Variants in TMEM255B observed in about 807,000 individuals in gnomAD.
TMEM255B encodes transmembrane protein 255B, also known as family with sequence similarity 70, member B.
TMEM255B carries 35 observed loss-of-function variants against 34.5 expected under a neutral mutation model. The observed-to-expected ratio is 1.01, with a 90% CI of 0.77 to 1.34. The LOEUF is 1.34. TMEM255B is among the 40% of genes most tolerant of loss of function. The pLI is 0.00. For missense variants in TMEM255B, 432 were observed against 433.2 expected, an observed-to-expected ratio of 1.00 and a Z score of 0.02; for synonymous variants, 206 against 201.2, an observed-to-expected ratio of 1.02 and a Z score of -0.20.
chr13:113,804,922 C>A lies in TMEM255B; in HGVS notation c.707C>A (p.Pro236Gln), dbSNP rs751019771. Residue 236 changes from proline (P) to glutamine (Q), a missense_variant, in exon 8 of 9, where the codon CCA becomes CAA. By Grantham distance (76) the Pro-to-Gln change is moderately conservative. Transcript: ENST00000375353. ...LSQLAYGPAV[P>Q]PQTLYNPAQQ... ...CAGCTGGCCTATGGCCCAGCCGTCC[C>A]ACCACAGACCCTCTACAACCCCGCC... 6.2e-7 allele frequency: 1 copy of A among 1,604,252 alleles called. No individual in the cohort carries two copies. The highest frequency in any genetic ancestry group is 1.1e-5 in the South Asian group (1 of 90,866).
chr13:113,776,394 G>T (rs1037539831), intron 3 of TMEM255B, among the ~76,000 whole-genome samples: 1 of 152,202 alleles, frequency 6.6e-6, no homozygotes, highest in Non-Finnish European at 1.5e-5. Context: ...CTGACTCGGC[G>T]GCTCTGGTTT....
chr13:113,801,174 T>C (rs2051052750), intron 6 of TMEM255B, among the ~76,000 whole-genome samples: 1 of 152,218 alleles, frequency 6.6e-6, no homozygotes, highest in African/African-American at 2.4e-5. Context: ...GAAAGGACAT[T>C]GAGTCCATTT....
Position 113,811,766 on chromosome 13 carries a change from T to A in TMEM255B, c.844T>A (p.Ser282Thr). 7 of 1,613,882 alleles carry A rather than the reference T, an allele frequency of 4.3e-6. No individual in the cohort carries two copies. Among genetic ancestry groups the A allele is most frequent in the Non-Finnish European group, 5.1e-6 (6 of 1,179,882 alleles). The change falls in exon 9 of 9, where the codon TCT (serine) becomes ACT (threonine). Residue 282 changes from serine to threonine, a missense_variant. Transcript: ENST00000375353. ...CAGCCGCTTCCCAGTTGCGCCCTCC[T>A]CTGCCCTGGCTTCGTCTGAGGACCT... ...PCSRFPVAPS[S>T]ALASSEDLQP... is the part of the protein sequence containing the mutation.
chr13:113,783,594 G>A (rs906994603), intron 3 of TMEM255B, among the ~76,000 whole-genome samples: 7 of 152,162 alleles, frequency 4.6e-5, no homozygotes, highest in African/African-American at 1.2e-4. Flanking sequence ...AAAATCAGAC[G>A]TGGAGAAAGG....
Position 113,759,322 on chromosome 13 carries a change from G to A in TMEM255B, c.46+7G>A. The A allele has an allele frequency of 8.1e-7, 1 of 1,229,468 alleles. No homozygotes were observed. The highest frequency in any genetic ancestry group is 1.0e-6 in the Non-Finnish European group (1 of 986,442). 76.2% of individuals were successfully genotyped at this position (1,229,468 alleles called of 1,614,324 possible). A position where few individuals can be genotyped will look rare whatever the true frequency, so the allele number is the denominator to read the frequency against. Reference sequence around the variant, plus strand: ...GGCCTGCTGGACCCCGCAGGTGAGCGCGGGGCTGGGGGCTCGTCTCGGCTC... The same window carrying A: ...GGCCTGCTGGACCCCGCAGGTGAGCACGGGGCTGGGGGCTCGTCTCGGCTC... On this transcript the variant is annotated splice_region_variant and intron_variant, in intron 1 of 8. Coordinates refer to ENST00000375353, the MANE Select transcript of TMEM255B (RefSeq NM_182614.4).
chr13:113,781,739 T>C (rs530834687), intron 3 of TMEM255B, among the ~76,000 whole-genome samples: 6 of 152,200 alleles, frequency 3.9e-5, no homozygotes, highest in Non-Finnish European at 5.9e-5. Flanking sequence ...GGAGGCCTAA[T>C]CACCTTTAAA....
chr13:113,795,106 G>A (rs982350995), intron 3 of TMEM255B, 42 bp from the exon 4 acceptor site: 7 of 1,597,142 alleles, frequency 4.4e-6, no homozygotes, highest in Non-Finnish European at 6.0e-6. Context: ...GAAAACCGGG[G>A]TTGGTAAAAG....
In TMEM255B at chr13:113,769,198, CT is replaced by C. The variant is rs745813942; in HGVS notation, c.252+39del. The C allele has an allele frequency of 6.2e-7, 1 of 1,606,700 alleles. No homozygotes were observed. Among genetic ancestry groups the C allele is most frequent in the African/African-American group, 1.3e-5 (1 of 74,746 alleles). ...ATGGGGTGGTGGGGAGCATGAGTCC[CT>C]CATCAGGGGATGGTACAGCTGCACT... is the stretch of plus-strand genomic sequence containing the variant. On this transcript the variant is annotated intron_variant, in intron 3 of 8. Coordinates refer to ENST00000375353, the MANE Select transcript of TMEM255B (RefSeq NM_182614.4). This position sits in a 1 kb window ranked among gnomAD's most constrained non-coding sequence, Gnocchi z 4.2.
rs749972463 is a variant in TMEM255B at position 113,766,105 on chromosome 13, C to T, written c.47-10C>T. 2.5e-6 allele frequency: 4 copies of T among 1,614,024 alleles called. No individual in the cohort carries two copies. The highest frequency in any genetic ancestry group is 3.3e-5 in the Admixed American group (2 of 60,024). On this transcript the variant is annotated splice_polypyrimidine_tract_variant and intron_variant, in intron 1 of 8. Coordinates refer to ENST00000375353, the MANE Select transcript of TMEM255B (RefSeq NM_182614.4). ...CCCTCACTGACAGGTCCTCGCCTTC[C>T]TCCCCACAGAAGGGCTTTCGAGGAG...
rs2051404557 is a variant in TMEM255B at position 113,816,560 on chromosome 13, A to T, written c.*4657A>T. 6.6e-6 allele frequency: 1 copy of T among 152,298 alleles called. No individual in the cohort carries two copies. The highest frequency in any genetic ancestry group is 6.5e-5 in the Admixed American group (1 of 15,282). 9.4% of individuals were successfully genotyped at this position (152,298 alleles called of 1,614,324 possible). On this transcript the variant is annotated 3_prime_UTR_variant, in exon 9 of 9. Transcript: ENST00000375353. ...CCACCGGCCCTGCTCAGTGAACAAG[A>T]GCCATGGTCATCACCCTCGCCACAC...
intron 8 of TMEM255B, among the ~76,000 whole-genome samples, chr13:113,807,886 C>T (rs533062433): frequency 3.9e-5 from 6 of 152,132 alleles, no homozygotes; most frequent in Admixed American, 3.9e-4. Flanking sequence ...AGGGGCAGAT[C>T]CACTTCATCC....
chr13:113,772,832 C>T (rs140039497), intron 3 of TMEM255B, among the ~76,000 whole-genome samples: 66 of 152,312 alleles, frequency 4.3e-4, no homozygotes, highest in African/African-American at 1.6e-3. Flanking sequence ...GAAATAAGGG[C>T]TTGTGAGTCT....
chr13:113,808,792 T>TGCG (rs1555302322), intron 8 of TMEM255B, among the ~76,000 whole-genome samples: 1 of 38,484 alleles, frequency 2.6e-5, no homozygotes, highest in Non-Finnish European at 4.5e-5. Flanking sequence ...CTGTGGTTCC[T>TGCG]GGGGGGGGGG....
At chr13:113,811,209 A>G (rs112942410) in intron 8 of TMEM255B, among the ~76,000 whole-genome samples, 578 of 24,030 alleles carry the variant, frequency 0.024, 8 homozygotes, top group African/African-American at 0.071. Context: ...GAGGTCCTGG[A>G]TCTGTGGGGG....
Position 113,781,351 on chromosome 13 carries a change from A to G in TMEM255B, c.252+12191A>G, listed in dbSNP as rs143056036. Reference sequence around the variant, plus strand: ...CCATTCACAACTTGCTTAAACCTTCATTTTTATTTTATCCAACTTAAAACA... The same window carrying G: ...CCATTCACAACTTGCTTAAACCTTCGTTTTTATTTTATCCAACTTAAAACA... On this transcript the variant is annotated intron_variant, in intron 3 of 8. Transcript: ENST00000375353. Among the ~76,000 whole-genome samples, 625 of 152,338 alleles carry G rather than the reference A, an allele frequency of 4.1e-3. 3 individuals are homozygous for G. The highest frequency in any genetic ancestry group is 0.014 in the African/African-American group (574 of 41,572).
At chr13:113,800,700 G>A (rs985722336) in intron 5 of TMEM255B, 127 bp from the exon 6 acceptor site, 9 of 831,652 alleles carry the variant, frequency 1.1e-5, no homozygotes, top group African/African-American at 8.5e-5. Flanking sequence ...GGGGAAAGTC[G>A]GGGGAGGCAG....
rs564466544 is a variant in TMEM255B at position 113,806,645 on chromosome 13, C to T, written c.813+1617C>T. Among the ~76,000 whole-genome samples, 16 of 152,324 alleles carry T rather than the reference C, an allele frequency of 1.1e-4. No individual in the cohort carries two copies. Among genetic ancestry groups the T allele is most frequent in the African/African-American group, 3.6e-4 (15 of 41,576 alleles). On this transcript the variant is annotated intron_variant, in intron 8 of 8. Coordinates refer to ENST00000375353, the MANE Select transcript of TMEM255B (RefSeq NM_182614.4). The surrounding 1 kb of genome is among the most constrained non-coding windows in gnomAD (Gnocchi z 4.2). ...TGGTCACTCCTGCAGGCAGGCGCGT[C>T]TGCTTGGTGCCACAGGCAGCTTCAT...
chr13:113,799,679 G>C (rs948858969), intron 5 of TMEM255B: 6 of 676,866 alleles, frequency 8.9e-6, no homozygotes, highest in Non-Finnish European at 1.7e-5. Flanking sequence ...GTCCAGTTCT[G>C]TATGGCTCTT....
chr13:113,779,857 G>C (rs1367822282), intron 3 of TMEM255B, among the ~76,000 whole-genome samples: 2 of 152,208 alleles, frequency 1.3e-5, no homozygotes, highest in Non-Finnish European at 2.9e-5. Flanking sequence ...AACAACAGGT[G>C]TGCTATAGTT....
Sources: gnomAD v4.1 joint callset for allele counts (sites outside exome capture counted in the v4.1 genomes callset) on GRCh38, gnomAD v4.1.1 for gene constraint, Gnocchi (gnomAD v3.1) non-coding constraint, MANE v1.5 for transcripts, NCBI Gene and HGNC (gene_info 2026-07-23, HGNC 2026-07-21) for gene names.